The following RELN variants were observed in gnomAD, a reference collection of about 807,000 sequenced individuals.
RELN encodes the protein reelin.
In RELN, 108 loss-of-function variants were observed where a neutral mutation model predicts 427.6. That is an observed-to-expected ratio of 0.25 (90% CI 0.22 to 0.30). RELN has a LOEUF of 0.30. Ranked by LOEUF, RELN falls within the 10% of genes least tolerant of loss-of-function variation. The pLI is 1.00. For missense variants in RELN, 3,715 were observed against 4,302.8 expected (o/e 0.86, Z 3.82); for synonymous variants, 1,524 against 1,513.4 (o/e 1.01, Z -0.16).
At chr7:103,570,768 A>G (rs113106542) in intron 31 of RELN, among the ~76,000 whole-genome samples, 65 of 152,294 alleles carry the variant, frequency 4.3e-4, no homozygotes, top group African/African-American at 1.6e-3. Flanking sequence ...AGGACCTCGG[A>G]TGACCCATGA....
intron 10 of RELN, among the ~76,000 whole-genome samples, chr7:103,690,254 G>A (rs555511397): frequency 6.6e-5 from 10 of 152,012 alleles, no homozygotes; most frequent in African/African-American, 2.2e-4. Flanking sequence ...GTTGAATCTT[G>A]TTACTGTATA....
chr7:103,983,727 G>C (rs1797039611), intron 1 of RELN, among the ~76,000 whole-genome samples: 1 of 151,998 alleles, frequency 6.6e-6, no homozygotes, highest in South Asian at 2.1e-4. Context: ...CATTACTCAG[G>C]CATAGCCTAA....
intron 2 of RELN, among the ~76,000 whole-genome samples, chr7:103,894,980 T>C (rs1794927821): frequency 6.6e-6 from 1 of 152,136 alleles, no homozygotes; most frequent in Admixed American, 6.6e-5. Context: ...CTTTACATAA[T>C]GTGTATATTT....
At chr7:103,523,573 A>T in intron 46 of RELN, 42 bp from the exon 47 acceptor site, 1 of 1,610,564 alleles carries the variant, frequency 6.2e-7, no homozygotes, top group South Asian at 1.1e-5. Context: ...TGCTGTGGAA[A>T]AGAAAATGTG....
At chr7:103,561,750 G>C (rs112529529) in intron 35 of RELN, 41 bp from the exon 36 acceptor site, 1 of 1,613,274 alleles carries the variant, frequency 6.2e-7, no homozygotes, top group South Asian at 1.1e-5. Context: ...TTTGTCACAC[G>C]TTCAACAAGC....
chr7:103,897,876 A>C (rs1431272395), intron 2 of RELN, among the ~76,000 whole-genome samples: 2 of 152,104 alleles, frequency 1.3e-5, no homozygotes, highest in East Asian at 3.8e-4. Flanking sequence ...TGACCTGGCC[A>C]TCCTATTTAA....
intron 1 of RELN, among the ~76,000 whole-genome samples, chr7:103,921,574 C>T (rs1473148611): frequency 1.3e-5 from 2 of 152,138 alleles, no homozygotes; most frequent in African/African-American, 4.8e-5. Flanking sequence ...GGAAATAAAG[C>T]ATGTATATTA....
intron 60 of RELN, among the ~76,000 whole-genome samples, chr7:103,488,838 A>G (rs1374673205): frequency 2.0e-5 from 3 of 152,236 alleles, no homozygotes; most frequent in Admixed American, 2.0e-4. Flanking sequence ...TTAACCATAG[A>G]TAACTGATGG....
At chr7:103,948,179 G>A (rs1796257730) in intron 1 of RELN, among the ~76,000 whole-genome samples, 1 of 152,102 alleles carries the variant, frequency 6.6e-6, no homozygotes, top group Non-Finnish European at 1.5e-5. Flanking sequence ...TACAACATGT[G>A]AAACATTTTT....
At chr7:103,534,268 T>C (rs562990857) in intron 46 of RELN, among the ~76,000 whole-genome samples, 1 of 152,332 alleles carries the variant, frequency 6.6e-6, no homozygotes, top group Admixed American at 6.5e-5. Flanking sequence ...ATGCAGCAAC[T>C]GAAAACCATT....
intron 53 of RELN, among the ~76,000 whole-genome samples, chr7:103,499,544 A>G (rs1230097371): frequency 6.6e-6 from 1 of 151,892 alleles, no homozygotes; most frequent in Non-Finnish European, 1.5e-5. Context: ...TCATTTAAGG[A>G]GAGTTCTATC....
chr7:103,696,961 T>C (rs1584415315), intron 10 of RELN, among the ~76,000 whole-genome samples: 1 of 152,168 alleles, frequency 6.6e-6, no homozygotes, highest in East Asian at 1.9e-4. Flanking sequence ...AAGTCTCAAC[T>C]TAAAATGTGT....
At chr7:103,723,302 T>G in intron 7 of RELN, 111 bp from the exon 8 acceptor site, 19 of 690,344 alleles carry the variant, frequency 2.8e-5, no homozygotes, top group Non-Finnish European at 4.0e-5. Flanking sequence ...AGAGAGGAAA[T>G]CCATTAACAG....
In RELN at chr7:103,603,106, T is replaced by C. The variant is rs1348065610; in HGVS notation, c.3333+198A>G. 6.6e-6 allele frequency among the ~76,000 whole-genome samples: 1 copy of C among 152,204 alleles called. No individual in the cohort carries two copies. The highest frequency in any genetic ancestry group is 1.5e-5 in the Non-Finnish European group (1 of 68,040). On this transcript the variant is annotated intron_variant, in intron 24 of 64. Transcript: ENST00000428762. This position sits in a 1 kb window ranked among gnomAD's most constrained non-coding sequence, Gnocchi z 4.3. ...TTTAAACTGGCTTAACCTGATTTTTTAGTAACCAAAAAGAGTAATAAAAAG... is the reference window on the plus strand; with the variant it reads ...TTTAAACTGGCTTAACCTGATTTTTCAGTAACCAAAAAGAGTAATAAAAAG...
intron 1 of RELN, among the ~76,000 whole-genome samples, chr7:103,965,809 T>C (rs1796649008): frequency 6.6e-6 from 1 of 152,224 alleles, no homozygotes. Context: ...GAAAAGATTT[T>C]ATTTTATACC....
At chr7:103,698,234 C>A (rs1008992756) in intron 9 of RELN, 141 bp from the exon 10 acceptor site, 11 of 1,047,310 alleles carry the variant, frequency 1.1e-5, no homozygotes, top group Non-Finnish European at 1.4e-5. Context: ...ATCTCATAGC[C>A]CTTAAATCTT....
chr7:103,782,944 G>T (rs1047931536), intron 3 of RELN, among the ~76,000 whole-genome samples: 3 of 152,080 alleles, frequency 2.0e-5, no homozygotes, highest in African/African-American at 7.2e-5. Flanking sequence ...TTTACAGCTG[G>T]AAGAGCATTC....
At chr7:103,832,429 A>C (rs1359644232) in intron 3 of RELN, among the ~76,000 whole-genome samples, 2 of 152,072 alleles carry the variant, frequency 1.3e-5, no homozygotes, top group East Asian at 1.9e-4. Flanking sequence ...CACAAAAAAA[A>C]CAACGAAAAA....
At chr7:103,489,660 C>T (rs1000973792) in intron 60 of RELN, 82 bp downstream of exon 60, 1 of 1,502,832 alleles carries the variant, frequency 6.7e-7, no homozygotes, top group Non-Finnish European at 9.1e-7. Flanking sequence ...CTATCCATTT[C>T]CTAGTGGACT....
Sources: gnomAD v4.1 joint callset for allele counts (sites outside exome capture counted in the v4.1 genomes callset) on GRCh38, gnomAD v4.1.1 for gene constraint, Gnocchi (gnomAD v3.1) non-coding constraint, MANE v1.5 for transcripts, NCBI Gene and HGNC (gene_info 2026-07-23, HGNC 2026-07-21) for gene names.